Variants in PGBD2 observed in about 807,000 individuals in gnomAD.
PGBD2 encodes piggyBac transposable element-derived protein 2.
Under a neutral mutation model 8.1 loss-of-function variants are expected in PGBD2, and 6 were observed. The ratio of observed to expected loss-of-function variants is 0.74; its 90% CI spans 0.40 to 1.46. PGBD2 has a LOEUF of 1.46. Ranked by LOEUF, PGBD2 falls within the 40% of genes most tolerant of loss-of-function variation. The pLI is 0.02. For synonymous variants in PGBD2, 318 were observed against 272.2 expected (o/e 1.17, Z -1.66); for missense variants, 802 against 739.0 (o/e 1.09, Z -0.99).
At chr1:248,928,425 C>G in the PGBD2 span, among the ~76,000 whole-genome samples, 1 of 152,142 alleles carries the variant, frequency 6.6e-6, no homozygotes, top group Non-Finnish European at 1.5e-5. Flanking sequence ...TTGTTTTAAT[C>G]TCAGTGACAA....
At chr1:248,910,234 G>A (rs1017915582) in intron 1 of PGBD2, among the ~76,000 whole-genome samples, 1 of 152,210 alleles carries the variant, frequency 6.6e-6, no homozygotes, top group Non-Finnish European at 1.5e-5. Flanking sequence ...AACAGAATTA[G>A]ACATTATGAA....
the PGBD2 span, among the ~76,000 whole-genome samples, chr1:248,893,639 A>G: frequency 1.3e-5 from 2 of 152,116 alleles, no homozygotes; most frequent in East Asian, 1.9e-4. Context: ...TCATCTCTCA[A>G]TGGACATTTA....
At chr1:248,929,156 C>G in the PGBD2 span, among the ~76,000 whole-genome samples, 1 of 152,144 alleles carries the variant, frequency 6.6e-6, no homozygotes, top group African/African-American at 2.4e-5. Flanking sequence ...ATATGTGCCT[C>G]TGGCTTATTG....
At chr1:248,897,931 G>T in the PGBD2 span, among the ~76,000 whole-genome samples, 1 of 152,194 alleles carries the variant, frequency 6.6e-6, no homozygotes, top group Non-Finnish European at 1.5e-5. Context: ...GACCGGGAGG[G>T]ATTCCCCACA....
chr1:248,914,297 C>T, intron 2 of PGBD2: 1 of 654,164 alleles, frequency 1.5e-6, no homozygotes, highest in Non-Finnish European at 1.9e-6. Context: ...GAGCTTGCAG[C>T]CTTGGCTCTG....
the PGBD2 span, among the ~76,000 whole-genome samples, chr1:248,885,284 G>A: frequency 2.0e-5 from 3 of 151,580 alleles, no homozygotes; most frequent in Admixed American, 6.6e-5. Flanking sequence ...ACAGGCATGA[G>A]CCACGATGTC....
At chr1:248,925,570 CTT>C in the PGBD2 span, among the ~76,000 whole-genome samples, 157 of 132,992 alleles carry the variant, frequency 1.2e-3, no homozygotes, top group African/African-American at 3.4e-3. Context: ...GCTACCATGA[CTT>C]TTTTTTTTTT....
intron 2 of PGBD2, 31 bp downstream of exon 2, chr1:248,913,910 T>TG: frequency 6.3e-7 from 1 of 1,589,450 alleles, no homozygotes; most frequent in Non-Finnish European, 8.6e-7. Flanking sequence ...AATGTTTTAT[T>TG]GAAGAATTTA....
chr1:248,888,042 A>G, the PGBD2 span, among the ~76,000 whole-genome samples: 1 of 152,236 alleles, frequency 6.6e-6, no homozygotes, highest in Non-Finnish European at 1.5e-5. Flanking sequence ...TAATTCACTT[A>G]GGATAATGAC....
downstream of PGBD2, among the ~76,000 whole-genome samples, chr1:248,923,870 C>T (rs1256434444): frequency 6.6e-6 from 1 of 152,214 alleles, no homozygotes; most frequent in Non-Finnish European, 1.5e-5. Context: ...CTGGACCTCA[C>T]TCCAGAGAGA....
chr1:248,917,938 C>A lies in PGBD2; in HGVS notation c.1354C>A (p.Leu452Met), dbSNP rs765643435. ...KTRTQVHQPS[L>M]VKLYQEKVGG... ...GCGGACTCAGGTCCACCAGCCATCA[C>A]TGGTGAAGCTGTATCAGGAGAAGGT... is the stretch of plus-strand genomic sequence containing the variant. Residue 452 changes from leucine to methionine, a missense_variant, in exon 3 of 3, where the codon CTG (leucine) becomes ATG (methionine). Physicochemically the swap from Leu to Met is conservative, Grantham distance 15 (BLOSUM62 2). Coordinates refer to ENST00000329291, the MANE Select transcript of PGBD2 (RefSeq NM_170725.3). 7 of 1,614,190 alleles carry A rather than the reference C, an allele frequency of 4.3e-6. No homozygotes were observed. The highest frequency in any genetic ancestry group is 1.6e-4 in the Middle Eastern group (1 of 6,062).
intron 2 of PGBD2, chr1:248,914,698 T>A: frequency 1.1e-6 from 1 of 937,060 alleles, no homozygotes; most frequent in Non-Finnish European, 1.5e-6. Context: ...GCTGAGTCCA[T>A]TCTCATAGCC....
At chr1:248,907,149 TAAG>T (rs912561463) in intron 1 of PGBD2, among the ~76,000 whole-genome samples, 5 of 152,122 alleles carry the variant, frequency 3.3e-5, no homozygotes, top group East Asian at 1.9e-4. Flanking sequence ...AGCAGGGTGA[TAAG>T]GAGGTCAGCA....
At chr1:248,907,656 C>G (rs561550039) in intron 1 of PGBD2, among the ~76,000 whole-genome samples, 15 of 152,262 alleles carry the variant, frequency 9.9e-5, no homozygotes, top group Admixed American at 3.9e-4. Context: ...TGACTTTTAC[C>G]AAGCATACTG....
upstream of PGBD2, among the ~76,000 whole-genome samples, chr1:248,901,439 C>G (rs1328893732): frequency 6.6e-6 from 1 of 152,086 alleles, no homozygotes. Context: ...TAAGACTGCA[C>G]ACCTACAACT....
chr1:248,904,876 T>G (rs534977419), upstream of PGBD2, among the ~76,000 whole-genome samples: 5 of 152,352 alleles, frequency 3.3e-5, no homozygotes, highest in South Asian at 1.0e-3. Context: ...GCCATATATT[T>G]TGTTTACTGT....
At chr1:248,901,796 A>AG (rs1572266642), upstream of PGBD2, among the ~76,000 whole-genome samples, 1 of 152,192 alleles carries the variant, frequency 6.6e-6, no homozygotes, top group African/African-American at 2.4e-5. Flanking sequence ...AAGCAAAAAA[A>AG]CCACAAACCA....
intron 1 of PGBD2, among the ~76,000 whole-genome samples, chr1:248,911,739 G>A: frequency 6.6e-6 from 1 of 151,408 alleles, no homozygotes; most frequent in Admixed American, 6.5e-5. Context: ...CGGCTGGCCG[G>A]GCGGGGGGCT....
the PGBD2 span, among the ~76,000 whole-genome samples, chr1:248,895,888 A>G: frequency 1.6e-3 from 236 of 151,872 alleles, no homozygotes; most frequent in African/African-American, 5.5e-3. Context: ...GGGTTTCACC[A>G]TGTTGGCCAG....
Sources: gnomAD v4.1 joint callset for allele counts (sites outside exome capture counted in the v4.1 genomes callset) on GRCh38, gnomAD v4.1.1 for gene constraint, MANE v1.5 for transcripts, NCBI Gene and HGNC (gene_info 2026-07-23, HGNC 2026-07-21) for gene names.